Variants in PRSS27 observed in about 807,000 individuals in gnomAD.
PRSS27 encodes channel-activating protease 2.
In PRSS27, 25 loss-of-function variants were observed where a neutral mutation model predicts 32.0. That is an observed-to-expected ratio of 0.78 (90% CI 0.57 to 1.09). The LOEUF (loss-of-function observed/expected upper bound fraction) is 1.09, where lower values mean the gene tolerates loss of function less well. PRSS27 is among the 50% of genes least tolerant of loss of function. PRSS27 has a pLI of 0.00. For synonymous variants in PRSS27, 178 were observed against 172.2 expected (o/e 1.03, Z -0.26); for missense variants, 401 against 394.9 (o/e 1.02, Z -0.13).
At position 2,720,205 on chromosome 16, in the gene PRSS27, A is replaced by G. The variant is rs1182647534; in HGVS notation, c.-45T>C. ...GCGCAGGGCCGTGGTCGGCGGTGGC[A>G]GAAGCGTTGGAGCACGAGCGAGGTG... On this transcript the variant is annotated 5_prime_UTR_variant, in exon 1 of 6. Transcript: ENST00000302641. 3 of 1,545,970 alleles carry G rather than the reference A, an allele frequency of 1.9e-6. No individual in the cohort carries two copies. Among genetic ancestry groups the G allele is most frequent in the Non-Finnish European group, 2.6e-6 (3 of 1,139,838 alleles).
intron 2 of PRSS27, chr16:2,716,274 G>A: frequency 1.7e-6 from 1 of 603,640 alleles, no homozygotes; most frequent in South Asian, 2.0e-5. Context: ...AGACCCTGCC[G>A]CCCTCATCCT....
At position 2,714,636 on chromosome 16, in the gene PRSS27, C is replaced by G; in HGVS notation, c.237-300G>C. On this transcript the variant is annotated intron_variant, in intron 3 of 5. Transcript: ENST00000302641. This position sits in a 1 kb window ranked among gnomAD's most constrained non-coding sequence, Gnocchi z 4.7. ...CTGTGGGGACAGTCACAGTGCCTAC[C>G]TGAAAGGCTGGCTCGGAGAGAACCA... 1 of 427,142 alleles carries G rather than the reference C, an allele frequency of 2.3e-6. No homozygotes were observed. The highest frequency in any genetic ancestry group is 4.3e-6 in the Non-Finnish European group (1 of 232,466). 26.5% of individuals were successfully genotyped at this position (427,142 alleles called of 1,614,324 possible).
In PRSS27 at chr16:2,712,447, G is replaced by A; in HGVS notation, c.*173C>T. 1 of 618,730 alleles carries A rather than the reference G, an allele frequency of 1.6e-6. No homozygotes were observed. The highest frequency in any genetic ancestry group is 2.6e-6 in the Non-Finnish European group (1 of 377,496). 38.3% of individuals were successfully genotyped at this position (618,730 alleles called of 1,614,324 possible). A position where few individuals can be genotyped will look rare whatever the true frequency, so the allele number is the denominator to read the frequency against. On this transcript the variant is annotated 3_prime_UTR_variant, in exon 6 of 6. Transcript: ENST00000302641. This position sits in a 1 kb window ranked among gnomAD's most constrained non-coding sequence, Gnocchi z 4.6. ...TGGCACACAGGCTGGGTTTTTATTG[G>A]GAGAAACATAAATAAAATAAGGGTA...
At chr16:2,716,011 G>A in intron 2 of PRSS27, 131 bp from the exon 3 acceptor site, 1 of 762,912 alleles carries the variant, frequency 1.3e-6, no homozygotes, top group Non-Finnish European at 2.0e-6. Context: ...TGGGGAAGTC[G>A]GAGGCCTGGG....
chr16:2,713,663 C>A lies in PRSS27; in HGVS notation c.544G>T (p.Ala182Ser), dbSNP rs138566535. ...LPEPRILQKL[A>S]VPIIDTPKCN... Reference sequence around the variant, plus strand: ...TTGGGTGTGTCGATGATGGGCACAGCGAGTTTCTGCAGGATCCGCGGTTCG... The same window carrying A: ...TTGGGTGTGTCGATGATGGGCACAGAGAGTTTCTGCAGGATCCGCGGTTCG... Residue 182 changes from alanine to serine, a missense_variant, in exon 5 of 6, where the codon GCT becomes TCT. Physicochemically the swap from Ala to Ser is moderately conservative, Grantham distance 99 (BLOSUM62 1). Transcript: ENST00000302641. The A allele has an allele frequency of 3.7e-6, 6 of 1,614,222 alleles. No individual in the cohort carries two copies. The highest frequency in any genetic ancestry group is 5.1e-6 in the Non-Finnish European group (6 of 1,180,040).
At position 2,717,500 on chromosome 16, in the gene PRSS27, C is replaced by T. The variant is rs543501303; in HGVS notation, c.47-974G>A. ...AGAGAGTCCTCTCACCACCCCTGCA[C>T]TCCACGCGTCTGATTCTGTGGGGGC... On this transcript the variant is annotated intron_variant, in intron 1 of 5. Coordinates refer to ENST00000302641, the MANE Select transcript of PRSS27 (RefSeq NM_031948.5). The surrounding 1 kb of genome is among the most constrained non-coding windows in gnomAD (Gnocchi z 4.1). The T allele has an allele frequency of 3.3e-5, 5 of 152,588 alleles. No homozygotes were observed. The East Asian group carries it at 9.7e-4, about 29-fold the overall frequency. The allele number at this position is 152,588 out of a possible 1,614,324, so 9.5% of individuals were successfully genotyped here. A position where few individuals can be genotyped will look rare whatever the true frequency, so the allele number is the denominator to read the frequency against.
At position 2,720,131 on chromosome 16, in the gene PRSS27, C is replaced by T. The variant is rs969745190; in HGVS notation, c.30G>A (p.Leu10=). The part of the protein sequence containing the change: MRRPAAVPL[L]LLLCFGSQRA... Reference sequence around the variant, plus strand: ...ACGACTCACCAAAACACAGCAGCAGCAGGAGCGGCACCGCCGCCGGCCGCC... The same window carrying T: ...ACGACTCACCAAAACACAGCAGCAGTAGGAGCGGCACCGCCGCCGGCCGCC... The change falls in exon 1 of 6, where the codon CTG becomes CTA. Residue 10 remains leucine (L), a synonymous_variant. Coordinates refer to ENST00000302641, the MANE Select transcript of PRSS27 (RefSeq NM_031948.5). 1 of 1,603,514 alleles carries T rather than the reference C, an allele frequency of 6.2e-7. No homozygotes were observed. The highest frequency in any genetic ancestry group is 8.5e-7 in the Non-Finnish European group (1 of 1,175,570).
Position 2,714,097 on chromosome 16 carries a change from CA to C in PRSS27, c.475del (p.Trp159GlyfsTer88). ...SVIFETGMNC[W>X]VTGWGSPSEE... ...ACTGGGGCTGCCCCAGCCAGTGACC[CA>C]GCAGTTCATGCCCGTCTCAAAGATC... On this transcript the variant is annotated frameshift_variant, in exon 4 of 6. Transcript: ENST00000302641. LOFTEE classifies it high-confidence loss of function. The surrounding 1 kb of genome is among the most constrained non-coding windows in gnomAD (Gnocchi z 4.7). The C allele has an allele frequency of 6.2e-7, 1 of 1,613,192 alleles. No homozygotes were observed.
intron 1 of PRSS27, among the ~76,000 whole-genome samples, chr16:2,719,626 A>G (rs990342643): frequency 1.3e-5 from 2 of 152,042 alleles, no homozygotes; most frequent in African/African-American, 4.8e-5. Flanking sequence ...CCCTGCCCCC[A>G]GCTCTCTACT....
At chr16:2,720,074 G>C in intron 1 of PRSS27, 41 bp downstream of exon 1, 1 of 1,556,724 alleles carries the variant, frequency 6.4e-7, no homozygotes. Context: ...GGAGCCTGGT[G>C]GGGGACTGCA....
chr16:2,712,567 G>A lies in PRSS27; in HGVS notation c.*53C>T, dbSNP rs115416934. ...TGGGAGGACCAGCAGGATGGTGTGG[G>A]CGGGCAGGCTGGGTGCAGAGCTCTG... is the stretch of plus-strand genomic sequence containing the variant. On this transcript the variant is annotated 3_prime_UTR_variant, in exon 6 of 6. Coordinates refer to ENST00000302641, the MANE Select transcript of PRSS27 (RefSeq NM_031948.5). The surrounding 1 kb of genome is among the most constrained non-coding windows in gnomAD (Gnocchi z 4.6). 1,517 of 1,483,176 alleles carry A rather than the reference G, an allele frequency of 1.0e-3. 16 individuals carry two copies. In the African/African-American group the frequency reaches 0.019, roughly 18 times the overall value. 91.9% of individuals were successfully genotyped at this position (1,483,176 alleles called of 1,614,324 possible). A position where few individuals can be genotyped will look rare whatever the true frequency, so the allele number is the denominator to read the frequency against.
rs904034916 is a variant in PRSS27 at position 2,720,174 on chromosome 16, G to A, written c.-14C>T. ...CGGCCGCCTCATGTCCTCAGGCCTG[G>A]CTGGGGCGCAGGGCCGTGGTCGGCG... is the stretch of plus-strand genomic sequence containing the variant. On this transcript the variant is annotated 5_prime_UTR_variant, in exon 1 of 6. Transcript: ENST00000302641. 36 of 1,588,968 alleles carry A rather than the reference G, an allele frequency of 2.3e-5. No individual in the cohort carries two copies. Among genetic ancestry groups the A allele is most frequent in the Non-Finnish European group, 3.1e-5 (36 of 1,168,018 alleles).
Position 2,714,209 on chromosome 16 carries a change from T to C in PRSS27, c.364A>G (p.Ser122Gly), listed in dbSNP as rs1157196518. The C allele has an allele frequency of 6.2e-7, 1 of 1,613,950 alleles. No homozygotes were observed. The highest frequency in any genetic ancestry group is 2.2e-5 in the East Asian group (1 of 44,872). The change falls in exon 4 of 6, where the codon AGC becomes GGC. Residue 122 changes from serine to glycine, a missense_variant. Ser to Gly is a moderately conservative substitution (Grantham distance 56). Transcript: ENST00000302641. The surrounding 1 kb of genome is among the most constrained non-coding windows in gnomAD (Gnocchi z 4.7). ...AGCTCCACCAGGGCCACGTCAGCGC[T>C]GGAGGCCGTGCCCTGGTACAGGGGG... Reference protein sequence around the residue: ...SNPLYQGTASSADVALVELEA... With the variant: ...SNPLYQGTASGADVALVELEA...
At chr16:2,713,947 A>T in intron 4 of PRSS27, 118 bp downstream of exon 4, 22 of 1,197,470 alleles carry the variant, frequency 1.8e-5, no homozygotes, top group Non-Finnish European at 2.6e-5. Flanking sequence ...GTGTGAACAG[A>T]GACCGTGTGT....
chr16:2,715,664 C>A, intron 3 of PRSS27, 54 bp downstream of exon 3: 2 of 1,465,468 alleles, frequency 1.4e-6, no homozygotes, highest in South Asian at 1.3e-5. Flanking sequence ...CTGAACCGGT[C>A]GCGCGCGGGG....
rs2067698230 is a variant in PRSS27 at position 2,715,807 on chromosome 16, T to G, written c.147A>C (p.Gln49His). 2 of 1,605,320 alleles carry G rather than the reference T, an allele frequency of 1.2e-6. No individual in the cohort carries two copies. ...QDTQEGEWPW[Q>H]VSIQRNGSHF... is the part of the protein sequence containing the mutation. ...GGCTTCCGTTGCGCTGGATGCTGAC[T>G]TGCCAGGGCCACTCGCCCTCCTGCG... The change falls in exon 3 of 6, where the codon CAA becomes CAC. Residue 49 changes from glutamine to histidine, a missense_variant. Gln to His is a conservative substitution (Grantham distance 24). Transcript: ENST00000302641.
rs1329015294 is a variant in PRSS27 at position 2,712,425 on chromosome 16, C to T, written c.*195G>A. On this transcript the variant is annotated 3_prime_UTR_variant, in exon 6 of 6. Transcript: ENST00000302641. The surrounding 1 kb of genome is among the most constrained non-coding windows in gnomAD (Gnocchi z 4.6). The stretch of plus-strand genomic sequence containing the variant: ...CAAGGATCCCCACGTGGGCAGCTGG[C>T]ACACAGGCTGGGTTTTTATTGGGAG... The T allele has an allele frequency of 3.5e-6, 2 of 574,126 alleles. No homozygotes were observed. Among genetic ancestry groups the T allele is most frequent in the Non-Finnish European group, 3.0e-6 (1 of 338,912 alleles). 35.6% of individuals were successfully genotyped at this position (574,126 alleles called of 1,614,324 possible). A position where few individuals can be genotyped will look rare whatever the true frequency, so the allele number is the denominator to read the frequency against.
chr16:2,713,134 T>G lies in PRSS27; in HGVS notation c.679-320A>C, dbSNP rs569522729. On this transcript the variant is annotated intron_variant, in intron 5 of 5. Coordinates refer to ENST00000302641, the MANE Select transcript of PRSS27 (RefSeq NM_031948.5). ...TTTTTATTGAGACGGAGTCTTGCTC[T>G]GTGGCCCAGGCTGGAGTGCACTGGC... 555 of 473,608 alleles carry G rather than the reference T, an allele frequency of 1.2e-3. 2 individuals carry two copies. The highest frequency in any genetic ancestry group is 0.01 in the African/African-American group (520 of 51,602). The allele number at this position is 473,608 out of a possible 1,614,324, so 29.3% of individuals were successfully genotyped here.
At position 2,713,546 on chromosome 16, in the gene PRSS27, T is replaced by C; in HGVS notation, c.661A>G (p.Lys221Glu). ...GCTCCCACCTTGCAGGCATCCTTCT[T>C]GCCCTCCTCGAAGCCGGCGCACAGC... Reference protein sequence around the residue: ...DMLCAGFEEGKKDACKGDSGG... With the variant: ...DMLCAGFEEGEKDACKGDSGG... Residue 221 changes from lysine to glutamate, a missense_variant, in exon 5 of 6, where the codon AAG (lysine) becomes GAG (glutamate). Lys to Glu is a moderately conservative substitution (Grantham distance 56). Transcript: ENST00000302641. 1.9e-6 allele frequency: 3 copies of C among 1,614,234 alleles called. No homozygotes were observed. The highest frequency in any genetic ancestry group is 2.5e-6 in the Non-Finnish European group (3 of 1,180,034).
Sources: allele counts gnomAD v4.1 joint callset (sites outside exome capture counted in the v4.1 genomes callset), GRCh38; gene constraint gnomAD v4.1.1; non-coding constraint Gnocchi (gnomAD v3.1); transcripts MANE v1.5; gene names NCBI Gene and HGNC (gene_info 2026-07-23, HGNC 2026-07-21).